Variants in ARHGAP42 observed in about 807,000 individuals in gnomAD.
The protein encoded by ARHGAP42 is rho GTPase-activating protein 42.
ARHGAP42 carries 63 observed loss-of-function variants against 125.0 expected under a neutral mutation model. That is an observed-to-expected ratio of 0.50 (90% CI 0.41 to 0.62). ARHGAP42 has a LOEUF of 0.62. ARHGAP42 is among the 20% of genes least tolerant of loss of function. The probability of loss-of-function intolerance (pLI) is 0.00; values close to 1 mark genes in which losing one functional copy is unlikely to be tolerated. For missense variants in ARHGAP42, 766 were observed against 1,024.2 expected, an observed-to-expected ratio of 0.75 and a Z score of 3.44; for synonymous variants, 339 against 351.0, an observed-to-expected ratio of 0.97 and a Z score of 0.38.
intron 4 of ARHGAP42, among the ~76,000 whole-genome samples, chr11:100,898,300 C>A (rs2135203782): frequency 6.6e-6 from 1 of 152,156 alleles, no homozygotes; most frequent in South Asian, 2.1e-4. Context: ...GTCTAAAATT[C>A]TCTTTTTTTG....
In ARHGAP42 at chr11:100,860,267, C is replaced by T. The variant is rs113007447; in HGVS notation, c.384+642C>T. Among the ~76,000 whole-genome samples the T allele has an allele frequency of 3.9e-5, 6 of 152,166 alleles. No homozygotes were observed. The South Asian group carries it at 6.2e-4, about 16-fold the overall frequency. On this transcript the variant is annotated intron_variant, in intron 4 of 23. Coordinates refer to ENST00000298815, the MANE Select transcript of ARHGAP42 (RefSeq NM_152432.4). ...TTTGAGTTTTCCTTTTAGTCAATGT[C>T]GTATCCCTTCCCCATTTGAGCAGTG...
At chr11:100,779,485 T>TATAGACACACAC (rs1312550660) in intron 2 of ARHGAP42, among the ~76,000 whole-genome samples, 1 of 81,442 alleles carries the variant, frequency 1.2e-5, no homozygotes, top group Non-Finnish European at 2.3e-5. Context: ...TATATATATA[T>TATAGACACACAC]ACACACACAC....
At chr11:100,864,167 A>G (rs917203273) in intron 4 of ARHGAP42, among the ~76,000 whole-genome samples, 1 of 151,432 alleles carries the variant, frequency 6.6e-6, no homozygotes, top group African/African-American at 2.4e-5. Context: ...TGAAGTATAG[A>G]TAGAGCTCTA....
chr11:100,844,649 A>C (rs924493628), intron 3 of ARHGAP42, among the ~76,000 whole-genome samples: 1 of 151,758 alleles, frequency 6.6e-6, no homozygotes, highest in Admixed American at 6.6e-5. Context: ...GGAATAGACA[A>C]TTCTAAAAGG....
intron 3 of ARHGAP42, among the ~76,000 whole-genome samples, chr11:100,823,853 C>T (rs1316001014): frequency 6.6e-6 from 1 of 152,088 alleles, no homozygotes; most frequent in Non-Finnish European, 1.5e-5. Context: ...TCAGTGAAAA[C>T]AAGGCATTGC....
chr11:100,715,889 C>A (rs1341052314), intron 1 of ARHGAP42, among the ~76,000 whole-genome samples: 1 of 152,112 alleles, frequency 6.6e-6, no homozygotes, highest in African/African-American at 2.4e-5. Flanking sequence ...AAAGAACTAA[C>A]GTGGATGGTT....
At chr11:100,858,086 GGTGTGT>G (rs201861404) in intron 3 of ARHGAP42, among the ~76,000 whole-genome samples, 24 of 109,010 alleles carry the variant, frequency 2.2e-4, no homozygotes, top group East Asian at 5.6e-4. Flanking sequence ...TCTGGATAGG[GGTGTGT>G]GTGTGTGTGT....
At chr11:100,796,967 C>G (rs888727887) in intron 3 of ARHGAP42, among the ~76,000 whole-genome samples, 1 of 152,122 alleles carries the variant, frequency 6.6e-6, no homozygotes, top group Non-Finnish European at 1.5e-5. Flanking sequence ...TGGGATTTCA[C>G]CATGTTGGTC....
intron 4 of ARHGAP42, among the ~76,000 whole-genome samples, chr11:100,891,038 A>G (rs961277081): frequency 2.0e-5 from 3 of 152,246 alleles, no homozygotes; most frequent in Admixed American, 6.5e-5. Flanking sequence ...CCTTATCCAC[A>G]TGTAATTCCT....
chr11:100,762,610 G>T (rs1862732476), intron 1 of ARHGAP42, among the ~76,000 whole-genome samples: 1 of 152,168 alleles, frequency 6.6e-6, no homozygotes. Context: ...TTTTAGGCAT[G>T]TATATAAAAC....
chr11:100,760,017 C>G (rs58727919), intron 1 of ARHGAP42, among the ~76,000 whole-genome samples: 39,198 of 152,024 alleles, frequency 0.26, 5,298 homozygotes, highest in Non-Finnish European at 0.29. Flanking sequence ...AATCTAGAAA[C>G]TGGCAAGTTT....
At chr11:100,783,367 C>T (rs564766214) in intron 2 of ARHGAP42, among the ~76,000 whole-genome samples, 1 of 152,250 alleles carries the variant, frequency 6.6e-6, no homozygotes, top group Non-Finnish European at 1.5e-5. Context: ...GCCCAGAAGG[C>T]GGAGGCTGCA....
At chr11:100,783,622 G>A (rs992029343) in intron 2 of ARHGAP42, among the ~76,000 whole-genome samples, 1 of 152,098 alleles carries the variant, frequency 6.6e-6, no homozygotes, top group African/African-American at 2.4e-5. Flanking sequence ...AGGGAAACCT[G>A]GTCATTTCTT....
chr11:100,709,588 T>C (rs1216891243), intron 1 of ARHGAP42, among the ~76,000 whole-genome samples: 1 of 152,244 alleles, frequency 6.6e-6, no homozygotes, highest in Non-Finnish European at 1.5e-5. Flanking sequence ...GTAACTGAAA[T>C]GGTGGAAAGC....
At chr11:100,839,354 G>T (rs1366976267) in intron 3 of ARHGAP42, 2 of 152,088 alleles carry the variant, frequency 1.3e-5, no homozygotes, top group South Asian at 2.1e-4. Context: ...AGCCAATAAA[G>T]GTGAGTGTGA....
chr11:100,781,453 T>G (rs571860010), intron 2 of ARHGAP42, among the ~76,000 whole-genome samples: 8 of 152,266 alleles, frequency 5.3e-5, no homozygotes, highest in Admixed American at 4.6e-4. Context: ...TTTTCTGAAG[T>G]CACATGGGTA....
At chr11:100,773,907 G>A (rs186708415) in intron 2 of ARHGAP42, among the ~76,000 whole-genome samples, 1 of 152,300 alleles carries the variant, frequency 6.6e-6, no homozygotes, top group African/African-American at 2.4e-5. Context: ...CAGATGTAAT[G>A]TTGCTTGCTA....
intron 2 of ARHGAP42, among the ~76,000 whole-genome samples, chr11:100,786,576 A>G (rs115660462): frequency 5.1e-4 from 77 of 151,786 alleles, no homozygotes; most frequent in African/African-American, 1.7e-3. Context: ...CTCTCAAACT[A>G]CCTTATAGTT....
At position 100,687,825 on chromosome 11, in the gene ARHGAP42, G is replaced by A. The variant is rs747282557; in HGVS notation, c.147G>A (p.Ala49=). 1.2e-5 allele frequency: 18 copies of A among 1,547,756 alleles called. No individual in the cohort carries two copies. The highest frequency in any genetic ancestry group is 1.7e-4 in the Middle Eastern group (1 of 5,960). The part of the protein sequence containing the change: ...LIKDGSLLIG[A]LRNLSMAVQK... ...AGGACGGCTCTCTGCTCATTGGGGCGTTGAGGAGTAAGTAGGGCTGGCGGG... is the reference window on the plus strand; with the variant it reads ...AGGACGGCTCTCTGCTCATTGGGGCATTGAGGAGTAAGTAGGGCTGGCGGG... Residue 49 remains alanine, a synonymous_variant, in exon 1 of 24, where the codon GCG becomes GCA. Coordinates refer to ENST00000298815, the MANE Select transcript of ARHGAP42 (RefSeq NM_152432.4).
Sources: allele counts gnomAD v4.1 joint callset (sites outside exome capture counted in the v4.1 genomes callset), GRCh38; gene constraint gnomAD v4.1.1; transcripts MANE v1.5; gene names NCBI Gene and HGNC (gene_info 2026-07-23, HGNC 2026-07-21).